Variants in SPATA13 observed in about 807,000 individuals in gnomAD.
The protein encoded by SPATA13 is spermatogenesis associated 13.
A neutral mutation model predicts 104.0 loss-of-function variants in SPATA13; 50 were observed. That is an observed-to-expected ratio of 0.48 (90% CI 0.38 to 0.61). The LOEUF is 0.61. Ranked by LOEUF, SPATA13 falls within the 20% of genes least tolerant of loss-of-function variation. The pLI is 0.00. For synonymous variants in SPATA13, 606 were observed against 667.5 expected (o/e 0.91, Z 1.42); for missense variants, 1,524 against 1,690.6 (o/e 0.90, Z 1.73).
chr13:24,261,152 T>C (rs1874043807), intron 4 of SPATA13, among the ~76,000 whole-genome samples: 1 of 152,108 alleles, frequency 6.6e-6, no homozygotes, highest in Non-Finnish European at 1.5e-5. Flanking sequence ...TTCAGAGAGA[T>C]CATTGGCTGG....
chr13:24,087,794 C>T (rs961993028), intron 3 of SPATA13, among the ~76,000 whole-genome samples: 3 of 152,160 alleles, frequency 2.0e-5, no homozygotes, highest in South Asian at 2.1e-4. Flanking sequence ...TTCTGGGTGG[C>T]CACGGGGCTC....
At chr13:24,112,468 A>G (rs1880674216) in intron 3 of SPATA13, among the ~76,000 whole-genome samples, 1 of 152,228 alleles carries the variant, frequency 6.6e-6, no homozygotes, top group East Asian at 1.9e-4. Flanking sequence ...TGTACTTCCC[A>G]TGCTGAAGAG....
At chr13:24,154,223 T>C (rs1218313922) in intron 3 of SPATA13, among the ~76,000 whole-genome samples, 1 of 152,106 alleles carries the variant, frequency 6.6e-6, no homozygotes, top group Non-Finnish European at 1.5e-5. Flanking sequence ...AAGAGTGTGA[T>C]TTTTTTTCCA....
chr13:24,030,035 C>T (rs547869421), intron 3 of SPATA13, among the ~76,000 whole-genome samples: 1 of 148,460 alleles, frequency 6.7e-6, no homozygotes, highest in African/African-American at 2.5e-5. Context: ...CATATATGCC[C>T]TACCTTCTCC....
rs1285531398 is a variant in SPATA13 at position 24,286,661 on chromosome 13, T to C, written c.2482-104T>C. On this transcript the variant is annotated intron_variant, in intron 6 of 12. Coordinates refer to ENST00000382108, the MANE Select transcript of SPATA13 (RefSeq NM_001166271.3). The surrounding 1 kb of genome is among the most constrained non-coding windows in gnomAD (Gnocchi z 4.9). ...GACTCAGGCGAGGGCCAGGCTGCCT[T>C]CCTAACAGGTCACAGGAAAGTAGGA... 1.2e-5 allele frequency: 14 copies of C among 1,157,916 alleles called. No homozygotes were observed. The highest frequency in any genetic ancestry group is 1.5e-5 in the African/African-American group (1 of 64,526). The allele number at this position is 1,157,916 out of a possible 1,614,324, so 71.7% of individuals were successfully genotyped here. A position where few individuals can be genotyped will look rare whatever the true frequency, so the allele number is the denominator to read the frequency against.
chr13:24,202,413 G>C (rs988397440), intron 1 of SPATA13, among the ~76,000 whole-genome samples: 1 of 152,078 alleles, frequency 6.6e-6, no homozygotes, highest in African/African-American at 2.4e-5. Context: ...ATTCTGCAGG[G>C]AACGGCCCGT....
chr13:24,055,855 A>G (rs1048789286), intron 3 of SPATA13, among the ~76,000 whole-genome samples: 4 of 152,230 alleles, frequency 2.6e-5, no homozygotes, highest in Admixed American at 2.6e-4. Flanking sequence ...GAGGAGTCCA[A>G]TCCACCACCG....
chr13:24,130,201 C>T (rs768847214), intron 3 of SPATA13, among the ~76,000 whole-genome samples: 4 of 152,216 alleles, frequency 2.6e-5, no homozygotes, highest in Non-Finnish European at 4.4e-5. Flanking sequence ...AGGGCAGTCA[C>T]AAGCCCCTGC....
chr13:24,033,824 C>T (rs748941122), intron 3 of SPATA13: 1 of 152,186 alleles, frequency 6.6e-6, no homozygotes, highest in Non-Finnish European at 1.5e-5. Context: ...CCAGGGGAAA[C>T]GTGGGAAAGG....
intron 4 of SPATA13, among the ~76,000 whole-genome samples, chr13:24,258,519 A>T (rs879413846): frequency 1.8e-4 from 28 of 152,094 alleles, no homozygotes; most frequent in African/African-American, 3.9e-4. Flanking sequence ...ATACAAAAAA[A>T]TTAGCCAAGA....
At chr13:24,248,227 A>G (rs1434457656) in intron 2 of SPATA13, among the ~76,000 whole-genome samples, 2 of 152,156 alleles carry the variant, frequency 1.3e-5, no homozygotes, top group Admixed American at 1.3e-4. Context: ...TGGTTACTCC[A>G]TGGCCCAGCT....
chr13:24,284,322 GGTCCACAACCACTTCTGACTTT>G (rs1875762250), intron 5 of SPATA13, 51 bp downstream of exon 5: 1 of 1,567,302 alleles, frequency 6.4e-7, no homozygotes, highest in South Asian at 1.1e-5. Context: ...TGATTTTCAG[GGTCCACAACCACTTCTGACTTT>G]GTTCCCTAGT....
intron 3 of SPATA13, among the ~76,000 whole-genome samples, chr13:24,031,244 G>T (rs897565033): frequency 6.6e-6 from 1 of 152,236 alleles, no homozygotes; most frequent in Admixed American, 6.5e-5. Flanking sequence ...ACCTCAGTCT[G>T]TGGCAGTTTC....
At chr13:24,028,848 T>C (rs1371465233) in intron 3 of SPATA13, among the ~76,000 whole-genome samples, 1 of 152,204 alleles carries the variant, frequency 6.6e-6, no homozygotes, top group African/African-American at 2.4e-5. Context: ...TTTAAAGATT[T>C]GTGTTTTTTA....
intron 1 of SPATA13, among the ~76,000 whole-genome samples, chr13:24,188,005 T>TA (rs1446173578): frequency 1.3e-5 from 2 of 152,136 alleles, no homozygotes; most frequent in African/African-American, 4.8e-5. Flanking sequence ...CATGGTTAGC[T>TA]AAGTCATGAA....
rs527927071 is a variant in SPATA13 at position 24,294,504 on chromosome 13, G to A, written c.3081-235G>A. 3.9e-5 allele frequency among the ~76,000 whole-genome samples: 6 copies of A among 152,330 alleles called. No individual in the cohort carries two copies. The South Asian group carries it at 8.3e-4, about 21-fold the overall frequency. On this transcript the variant is annotated intron_variant, in intron 9 of 12. Coordinates refer to ENST00000382108, the MANE Select transcript of SPATA13 (RefSeq NM_001166271.3). ...ATTCATTGTAATTTCTGGGAAATGA[G>A]TGAAAACATTTTTATTCCAAAGAAT...
intron 3 of SPATA13, among the ~76,000 whole-genome samples, chr13:24,250,761 A>G (rs1294961149): frequency 1.3e-5 from 2 of 152,240 alleles, no homozygotes; most frequent in Non-Finnish European, 2.9e-5. Context: ...GCAGAATATC[A>G]TGAAAATGTT....
In SPATA13 at chr13:24,205,217, T is replaced by C. The variant is rs1178373196; in HGVS notation, c.-111-17602T>C. 6.6e-6 allele frequency among the ~76,000 whole-genome samples: 1 copy of C among 152,184 alleles called. No homozygotes were observed. Among genetic ancestry groups the C allele is most frequent in the Non-Finnish European group, 1.5e-5 (1 of 68,026 alleles). Reference sequence around the variant, plus strand: ...CCCAAAGTCTCGCCCCCAAAGCTCCTTCAGCTGATAAACAACTTCAGCAAA... The same window carrying C: ...CCCAAAGTCTCGCCCCCAAAGCTCCCTCAGCTGATAAACAACTTCAGCAAA... On this transcript the variant is annotated intron_variant, in intron 1 of 12. Coordinates refer to ENST00000382108, the MANE Select transcript of SPATA13 (RefSeq NM_001166271.3). The surrounding 1 kb of genome is among the most constrained non-coding windows in gnomAD (Gnocchi z 4.1).
In SPATA13 at chr13:24,304,151, C is replaced by T. The variant is rs1387514923; in HGVS notation, c.*1378C>T. 1.3e-5 allele frequency: 2 copies of T among 152,206 alleles called. No homozygotes were observed. The highest frequency in any genetic ancestry group is 2.4e-5 in the African/African-American group (1 of 41,448). 9.4% of individuals were successfully genotyped at this position (152,206 alleles called of 1,614,324 possible). A position where few individuals can be genotyped will look rare whatever the true frequency, so the allele number is the denominator to read the frequency against. ...AGCCAAACAGGGCATAACCATGTCA[C>T]GTGAGCATGTCATCAGGCTTCTGAG... On this transcript the variant is annotated 3_prime_UTR_variant, in exon 13 of 13. Coordinates refer to ENST00000382108, the MANE Select transcript of SPATA13 (RefSeq NM_001166271.3).
Sources: allele counts gnomAD v4.1 joint callset (sites outside exome capture counted in the v4.1 genomes callset), GRCh38; gene constraint gnomAD v4.1.1; non-coding constraint Gnocchi (gnomAD v3.1); transcripts MANE v1.5; gene names NCBI Gene and HGNC (gene_info 2026-07-23, HGNC 2026-07-21).